CSMD1: variants seen among roughly 807,000 people sequenced by gnomAD.
CSMD1 encodes the protein CUB and sushi domain-containing protein 1.
In CSMD1, 213 loss-of-function variants were observed where a neutral mutation model predicts 417.5. The observed-to-expected ratio is 0.51, with a 90% confidence interval of 0.46 to 0.57. CSMD1 has a LOEUF of 0.57. CSMD1 is among the 20% of genes least tolerant of loss of function. CSMD1 has a pLI of 0.00. For missense variants in CSMD1, 6,923 were observed against 4,529.7 expected (o/e 1.53, Z -15.17); for synonymous variants, 2,862 against 1,736.8 (o/e 1.65, Z -16.11).
intron 1 of CSMD1, chr8:4,788,088 T>A: frequency 7.5e-6 from 12 of 1,602,806 alleles, no homozygotes; most frequent in Non-Finnish European, 1.0e-5. Context: ...AGAGTTGCTT[T>A]TGAAATCAGA....
chr8:4,233,744 A>G (rs891252732), intron 3 of CSMD1, among the ~76,000 whole-genome samples: 2 of 152,190 alleles, frequency 1.3e-5, no homozygotes, highest in African/African-American at 4.8e-5. Flanking sequence ...ATAAAGATGT[A>G]AGATCTCTGT....
chr8:3,047,326 G>A (rs116994026), intron 50 of CSMD1, among the ~76,000 whole-genome samples: 2,192 of 151,344 alleles, frequency 0.014, 17 homozygotes, highest in East Asian at 0.033. Flanking sequence ...GACGATTCCC[G>A]TGTTCCTTCA....
intron 1 of CSMD1, among the ~76,000 whole-genome samples, chr8:4,911,041 G>A (rs969153355): frequency 6.6e-6 from 1 of 152,194 alleles, no homozygotes; most frequent in African/African-American, 2.4e-5. Context: ...ATCCATGTAA[G>A]ATGTGACTTG....
chr8:3,501,228 A>T (rs1355428644), intron 10 of CSMD1, among the ~76,000 whole-genome samples: 2 of 152,284 alleles, frequency 1.3e-5, no homozygotes, highest in Non-Finnish European at 2.9e-5. Context: ...GCCTCTGTGC[A>T]TGTGCATACA....
intron 1 of CSMD1, among the ~76,000 whole-genome samples, chr8:4,828,056 T>A (rs78827772): frequency 6.7e-6 from 1 of 148,440 alleles, no homozygotes; most frequent in Non-Finnish European, 1.5e-5. Context: ...CGTAGTGGGA[T>A]TTTTTTTTAC....
At chr8:4,988,736 G>C (rs966395616) in intron 1 of CSMD1, among the ~76,000 whole-genome samples, 1 of 152,182 alleles carries the variant, frequency 6.6e-6, no homozygotes, top group South Asian at 2.1e-4. Context: ...ATAAAGTACA[G>C]GTTGATACAA....
At chr8:4,842,685 TA>T (rs1800913144) in intron 1 of CSMD1, among the ~76,000 whole-genome samples, 1 of 152,190 alleles carries the variant, frequency 6.6e-6, no homozygotes. Flanking sequence ...GGAATTTTAA[TA>T]AAAACAATTA....
chr8:3,272,667 C>A (rs1041511959), intron 26 of CSMD1, among the ~76,000 whole-genome samples: 2 of 138,914 alleles, frequency 1.4e-5, no homozygotes, highest in African/African-American at 2.7e-5. Flanking sequence ...AGTTGGATTC[C>A]TAGGTATTTT....
intron 3 of CSMD1, among the ~76,000 whole-genome samples, chr8:4,186,662 A>G (rs771460522): frequency 2.0e-5 from 3 of 152,042 alleles, no homozygotes; most frequent in Admixed American, 6.6e-5. Flanking sequence ...TATTTCCCCA[A>G]AATCAGTATA....
chr8:4,447,064 G>C (rs1046338476), intron 2 of CSMD1, among the ~76,000 whole-genome samples: 1 of 152,092 alleles, frequency 6.6e-6, no homozygotes, highest in African/African-American at 2.4e-5. Flanking sequence ...AGGTCTGCGA[G>C]CCTAGCCTCA....
At chr8:4,203,063 G>T (rs1328686605) in intron 3 of CSMD1, among the ~76,000 whole-genome samples, 1 of 152,198 alleles carries the variant, frequency 6.6e-6, no homozygotes, top group East Asian at 1.9e-4. Context: ...GAGAGTTAAG[G>T]ATTTTGAGCA....
rs1802973995 is a variant in CSMD1, at chr8:3,284,301, G to C, written c.3996C>G (p.Leu1332=). ...TGTCCACCGGCCCGTCCCAGACCTT[G>C]AGGATGTCGTGAGCCATCTCCGTGT... ...VFDTEMAHDI[L]KVWDGPVDSD... Residue 1332 remains leucine, a synonymous_variant, in exon 26 of 70, where the codon CTC becomes CTG. Transcript: ENST00000635120. 31 of 1,613,978 alleles carry C rather than the reference G, an allele frequency of 1.9e-5. No homozygotes were observed. In the East Asian group the frequency reaches 6.7e-4, roughly 35 times the overall value.
intron 50 of CSMD1, among the ~76,000 whole-genome samples, chr8:3,048,782 G>C (rs1412788548): frequency 1.3e-5 from 2 of 149,700 alleles, no homozygotes; most frequent in African/African-American, 4.9e-5. Context: ...ACACTATTAA[G>C]AAAATGAAAA....
chr8:3,881,566 T>C lies in CSMD1; in HGVS notation c.818+116337A>G, dbSNP rs575588131. On this transcript the variant is annotated intron_variant, in intron 5 of 69. Transcript: ENST00000635120. ...GTTGCATTGAGCCAAGATGGAGCCA[T>C]TGCAGTCCAGCCTGCCTGGGTGACA... Among the ~76,000 whole-genome samples the C allele has an allele frequency of 4.4e-4, 65 of 148,002 alleles. No individual in the cohort carries two copies. The South Asian group carries it at 6.3e-3, about 14-fold the overall frequency.
At chr8:4,154,588 T>C (rs1461767234) in intron 3 of CSMD1, among the ~76,000 whole-genome samples, 1 of 152,190 alleles carries the variant, frequency 6.6e-6, no homozygotes, top group African/African-American at 2.4e-5. Flanking sequence ...GGTGAGGTCT[T>C]TGGCAATAGG....
intron 5 of CSMD1, among the ~76,000 whole-genome samples, chr8:3,934,300 C>G (rs575254483): frequency 9.2e-5 from 14 of 152,166 alleles, no homozygotes; most frequent in African/African-American, 3.1e-4. Context: ...AAAGTGCCTA[C>G]TATGTATAAA....
chr8:4,352,772 T>A (rs935520852), intron 3 of CSMD1, among the ~76,000 whole-genome samples: 1 of 152,198 alleles, frequency 6.6e-6, no homozygotes, highest in African/African-American at 2.4e-5. Context: ...GGCAGACAAA[T>A]CTACTGTTGG....
intron 33 of CSMD1, among the ~76,000 whole-genome samples, chr8:3,192,614 A>G (rs939484568): frequency 4.6e-5 from 7 of 152,216 alleles, no homozygotes; most frequent in African/African-American, 1.7e-4. Flanking sequence ...GCACTTTGGC[A>G]CAACGGAGAA....
intron 3 of CSMD1, among the ~76,000 whole-genome samples, chr8:4,135,827 G>C (rs1260843871): frequency 6.6e-6 from 1 of 152,160 alleles, no homozygotes; most frequent in Non-Finnish European, 1.5e-5. Flanking sequence ...CAATGGGATA[G>C]ATGTAACTAC....
Sources: allele counts gnomAD v4.1 joint callset (sites outside exome capture counted in the v4.1 genomes callset), GRCh38; gene constraint gnomAD v4.1.1; transcripts MANE v1.5; gene names NCBI Gene and HGNC (gene_info 2026-07-23, HGNC 2026-07-21).